Variants in DOCK3 observed in about 807,000 individuals in gnomAD.
The protein encoded by DOCK3 is dedicator of cytokinesis protein 3.
DOCK3 carries 60 observed loss-of-function variants against 265.6 expected under a neutral mutation model. The observed-to-expected ratio is 0.23, with a 90% CI of 0.18 to 0.28. The LOEUF (loss-of-function observed/expected upper bound fraction) is 0.28. DOCK3 is among the 10% of genes least tolerant of loss of function. The probability of loss-of-function intolerance (pLI) is 1.00; values close to 1 mark genes in which losing one functional copy is unlikely to be tolerated. For missense variants in DOCK3, 1,981 were observed against 2,594.3 expected, an observed-to-expected ratio of 0.76 and a Z score of 5.14; for synonymous variants, 881 against 938.0, an observed-to-expected ratio of 0.94 and a Z score of 1.11.
chr3:50,980,079 T>A (rs2077634133), intron 5 of DOCK3, among the ~76,000 whole-genome samples: 1 of 152,192 alleles, frequency 6.6e-6, no homozygotes, highest in Non-Finnish European at 1.5e-5. Flanking sequence ...TCCAGTATGA[T>A]GTTAGCTGTG....
chr3:51,154,076 A>C (rs1017341247), intron 10 of DOCK3, among the ~76,000 whole-genome samples: 14 of 152,246 alleles, frequency 9.2e-5, no homozygotes, highest in Non-Finnish European at 1.5e-4. Context: ...AATGGGATTT[A>C]TCTGGAGATC....
intron 4 of DOCK3, among the ~76,000 whole-genome samples, chr3:50,933,571 T>G (rs982053505): frequency 6.6e-6 from 1 of 152,004 alleles, no homozygotes; most frequent in Non-Finnish European, 1.5e-5. Context: ...CCCACATTTT[T>G]CCAGATTTTT....
intron 4 of DOCK3, among the ~76,000 whole-genome samples, chr3:50,917,791 G>A (rs1314125214): frequency 6.6e-6 from 1 of 151,748 alleles, no homozygotes; most frequent in Non-Finnish European, 1.5e-5. Context: ...TTAAGTTCTA[G>A]GGTTCATGTG....
chr3:51,221,721 G>T (rs771977336), intron 14 of DOCK3, among the ~76,000 whole-genome samples: 1 of 152,150 alleles, frequency 6.6e-6, no homozygotes, highest in South Asian at 2.1e-4. Flanking sequence ...TCAATGTAAG[G>T]CATTACTGAT....
intron 4 of DOCK3, among the ~76,000 whole-genome samples, chr3:50,929,012 A>G (rs2050916454): frequency 6.6e-6 from 1 of 152,214 alleles, no homozygotes; most frequent in Non-Finnish European, 1.5e-5. Context: ...TTAAGGGAGG[A>G]TAGGCTAAGC....
At chr3:50,763,165 C>T (rs1202590027) in intron 1 of DOCK3, among the ~76,000 whole-genome samples, 1 of 152,168 alleles carries the variant, frequency 6.6e-6, no homozygotes, top group East Asian at 1.9e-4. Context: ...AATTATATTT[C>T]TAACCATTGT....
intron 19 of DOCK3, among the ~76,000 whole-genome samples, chr3:51,231,041 T>C (rs1665423480): frequency 6.6e-6 from 1 of 151,600 alleles, no homozygotes; most frequent in African/African-American, 2.4e-5. Flanking sequence ...CCACAGGAGC[T>C]AAACTAATTT....
intron 5 of DOCK3, among the ~76,000 whole-genome samples, chr3:50,969,513 A>G (rs1343915449): frequency 1.3e-5 from 2 of 152,204 alleles, no homozygotes; most frequent in Admixed American, 6.5e-5. Flanking sequence ...TGTTCCTGTC[A>G]TAATGTTAAC....
intron 51 of DOCK3, among the ~76,000 whole-genome samples, chr3:51,377,721 G>A (rs572701323): frequency 1.2e-3 from 188 of 152,328 alleles, no homozygotes; most frequent in Non-Finnish European, 2.0e-3. Flanking sequence ...GGTTTATATG[G>A]AGTCACTCAG....
At chr3:50,884,744 C>CTT (rs35369557) in intron 3 of DOCK3, among the ~76,000 whole-genome samples, 6 of 148,330 alleles carry the variant, frequency 4.0e-5, no homozygotes, top group Non-Finnish European at 6.0e-5. Flanking sequence ...TCAAATTAGA[C>CTT]TTTTTTTTTT....
chr3:51,153,842 T>C (rs1343374432), intron 10 of DOCK3, among the ~76,000 whole-genome samples: 1 of 152,270 alleles, frequency 6.6e-6, no homozygotes, highest in East Asian at 1.9e-4. Flanking sequence ...TGTTAAAAAC[T>C]ATCCAGTGGT....
intron 32 of DOCK3, among the ~76,000 whole-genome samples, chr3:51,316,404 A>G (rs774202370): frequency 6.6e-6 from 1 of 152,240 alleles, no homozygotes; most frequent in Admixed American, 6.5e-5. Context: ...TTTGTGGATT[A>G]TAAATAAAGC....
At chr3:50,785,047 C>T (rs1367478350) in intron 2 of DOCK3, among the ~76,000 whole-genome samples, 2 of 152,138 alleles carry the variant, frequency 1.3e-5, no homozygotes, top group Non-Finnish European at 2.9e-5. Flanking sequence ...ATCCCAGCTA[C>T]TTGGGAGGCT....
At position 51,244,216 on chromosome 3, in the gene DOCK3, AT is replaced by A. The variant is rs34875526; in HGVS notation, c.2103-2499del. Among the ~76,000 whole-genome samples, 11 of 149,452 alleles carry A rather than the reference AT, an allele frequency of 7.4e-5. No individual in the cohort carries two copies. In the East Asian group the frequency reaches 1.2e-3, roughly 16 times the overall value. On this transcript the variant is annotated intron_variant, in intron 21 of 52. Coordinates refer to ENST00000266037, the MANE Select transcript of DOCK3 (RefSeq NM_004947.5). ...CACTTGTGATTCCATATTAGGATGGATTTTTTTTTTTCTGCAAAAAATGCCA... is the reference window on the plus strand; with the variant it reads ...CACTTGTGATTCCATATTAGGATGGATTTTTTTTTTCTGCAAAAAATGCCA...
rs529193317 is a variant in DOCK3, at chr3:50,734,819, G to A, written c.38-43856G>A. On this transcript the variant is annotated intron_variant, in intron 1 of 52. Transcript: ENST00000266037. ...GGGGTTTCACTGTGTTAGCCAGGAT[G>A]GTCTCGATCTCCTGACCTTGTGATC... Among the ~76,000 whole-genome samples, 435 of 152,048 alleles carry A rather than the reference G, an allele frequency of 2.9e-3. 3 individuals carry two copies. The highest frequency in any genetic ancestry group is 4.6e-3 in the Non-Finnish European group (310 of 67,974).
At chr3:51,099,002 G>A (rs991876988) in intron 9 of DOCK3, among the ~76,000 whole-genome samples, 3 of 152,192 alleles carry the variant, frequency 2.0e-5, no homozygotes, top group African/African-American at 7.2e-5. Context: ...CCCTATGGAT[G>A]AGGAGGCCAA....
At chr3:51,201,990 A>T (rs1198644878) in intron 12 of DOCK3, among the ~76,000 whole-genome samples, 2 of 152,228 alleles carry the variant, frequency 1.3e-5, no homozygotes, top group African/African-American at 4.8e-5. Context: ...CAAAGACACA[A>T]CATACCAGAA....
intron 1 of DOCK3, chr3:50,719,599 A>G: frequency 6.7e-7 from 1 of 1,500,576 alleles, no homozygotes. Flanking sequence ...CAAAGACCAC[A>G]TGCTTGCCAT....
At chr3:51,135,112 T>C (rs938310710) in intron 9 of DOCK3, among the ~76,000 whole-genome samples, 2 of 152,246 alleles carry the variant, frequency 1.3e-5, no homozygotes, top group African/African-American at 4.8e-5. Context: ...GGTTTTTAGC[T>C]GCCTGTTTTC....
Sources: gnomAD v4.1 joint callset for allele counts (sites outside exome capture counted in the v4.1 genomes callset) on GRCh38, gnomAD v4.1.1 for gene constraint, MANE v1.5 for transcripts, NCBI Gene and HGNC (gene_info 2026-07-23, HGNC 2026-07-21) for gene names.